RBFOX1: variants seen among roughly 807,000 people sequenced by gnomAD.
RBFOX1 encodes RNA binding fox-1 homolog 1, also known as RNA binding protein fox-1 homolog 1.
In RBFOX1, 8 loss-of-function variants were observed where a neutral mutation model predicts 57.7. That is an observed-to-expected ratio of 0.14 (90% confidence interval 0.08 to 0.25). The LOEUF (loss-of-function observed/expected upper bound fraction) is 0.25, where lower values mean the gene tolerates loss of function less well. Among genes scored for constraint, RBFOX1 ranks in the 10% least tolerant of loss-of-function variants. The probability of loss-of-function intolerance (pLI) is 1.00; values close to 1 mark genes in which losing one functional copy is unlikely to be tolerated. For synonymous variants in RBFOX1, 326 were observed against 222.4 expected (o/e 1.47, Z -4.15); for missense variants, 611 against 548.5 (o/e 1.11, Z -1.14).
At chr16:6,107,522 A>T (rs941807036) in intron 1 of RBFOX1, among the ~76,000 whole-genome samples, 1 of 152,182 alleles carries the variant, frequency 6.6e-6, no homozygotes, top group Non-Finnish European at 1.5e-5. Context: ...TGTATTAATT[A>T]AAATGAAGTT....
intron 3 of RBFOX1, among the ~76,000 whole-genome samples, chr16:6,702,823 A>G (rs1053336056): frequency 3.3e-5 from 5 of 152,238 alleles, no homozygotes; most frequent in Admixed American, 3.3e-4. Flanking sequence ...GTTCAGTGGC[A>G]TTAAATACAT....
intron 2 of RBFOX1, among the ~76,000 whole-genome samples, chr16:6,453,917 G>C (rs2094697339): frequency 6.6e-6 from 1 of 152,222 alleles, no homozygotes; most frequent in Non-Finnish European, 1.5e-5. Flanking sequence ...TTTGGCTTAA[G>C]CAATAGAAAC....
At position 6,198,995 on chromosome 16, in the gene RBFOX1, C is replaced by A. The variant is rs866815727; in HGVS notation, c.-126-118000C>A. Among the ~76,000 whole-genome samples, 24 of 151,796 alleles carry A rather than the reference C, an allele frequency of 1.6e-4. No individual in the cohort carries two copies. The Middle Eastern group carries it at 0.01, about 65-fold the overall frequency. ...GCTTTTGACTGAACATTTTTTAAATCTCTCTGATAGAATATATATATTTTT... is the reference window on the plus strand; with the variant it reads ...GCTTTTGACTGAACATTTTTTAAATATCTCTGATAGAATATATATATTTTT... On this transcript the variant is annotated intron_variant, in intron 1 of 15. Transcript: ENST00000550418.
chr16:7,613,703 A>C (rs2057956934), intron 10 of RBFOX1, among the ~76,000 whole-genome samples: 1 of 152,132 alleles, frequency 6.6e-6, no homozygotes, highest in African/African-American at 2.4e-5. Context: ...AGGTCTATGA[A>C]GGCTCCCTCA....
In RBFOX1 at chr16:6,654,643, A is replaced by G; in HGVS notation, c.-23A>G. On this transcript the variant is annotated 5_prime_UTR_variant, in exon 3 of 16. Coordinates refer to ENST00000550418, the MANE Select transcript of RBFOX1 (RefSeq NM_018723.4). ...TGCAATACCTGCGTGGAAATAGAAG[A>G]CAGAAAGGTGAGTCAATATTTTTCA... 1 of 1,509,854 alleles carries G rather than the reference A, an allele frequency of 6.6e-7. No individual in the cohort carries two copies. Among genetic ancestry groups the G allele is most frequent in the African/African-American group, 1.4e-5 (1 of 71,344 alleles). The allele number at this position is 1,509,854 out of a possible 1,614,324, so 93.5% of individuals were successfully genotyped here. A position where few individuals can be genotyped will look rare whatever the true frequency, so the allele number is the denominator to read the frequency against.
intron 3 of RBFOX1, among the ~76,000 whole-genome samples, chr16:6,949,461 T>A (rs2080242650): frequency 6.6e-6 from 1 of 152,194 alleles, no homozygotes; most frequent in South Asian, 2.1e-4. Context: ...ACAGATTTGT[T>A]TTCTTACCCT....
intron 1 of RBFOX1, among the ~76,000 whole-genome samples, chr16:5,303,792 A>C (rs1025845749): frequency 2.0e-5 from 3 of 152,048 alleles, no homozygotes; most frequent in African/African-American, 7.2e-5. Flanking sequence ...ATTCCAATAA[A>C]GCAAAAATGA....
intron 1 of RBFOX1, among the ~76,000 whole-genome samples, chr16:6,108,682 C>A (rs1335007062): frequency 6.6e-6 from 1 of 152,262 alleles, no homozygotes; most frequent in East Asian, 1.9e-4. Context: ...CATAGAGGTG[C>A]TACTGGGCCT....
At chr16:6,828,594 G>A (rs2092425291) in intron 3 of RBFOX1, among the ~76,000 whole-genome samples, 1 of 151,712 alleles carries the variant, frequency 6.6e-6, no homozygotes, top group Admixed American at 6.6e-5. Flanking sequence ...TGAAAAACCG[G>A]GCATGGACCA....
At chr16:6,866,633 C>T (rs78780129) in intron 3 of RBFOX1, among the ~76,000 whole-genome samples, 15 of 144,242 alleles carry the variant, frequency 1.0e-4, no homozygotes, top group South Asian at 2.3e-4. Flanking sequence ...GCTCCGCCTC[C>T]CCGGTTCACG....
At chr16:6,741,648 G>C (rs527771896) in intron 3 of RBFOX1, among the ~76,000 whole-genome samples, 1 of 148,912 alleles carries the variant, frequency 6.7e-6, no homozygotes, top group Non-Finnish European at 1.5e-5. Flanking sequence ...CAGCCTGGGC[G>C]ACAGAGCCAG....
At chr16:7,624,274 C>T (rs1262283864) in intron 10 of RBFOX1, among the ~76,000 whole-genome samples, 2 of 152,156 alleles carry the variant, frequency 1.3e-5, no homozygotes, top group African/African-American at 4.8e-5. Flanking sequence ...ACTAAACTTT[C>T]AGTTATGATA....
intron 2 of RBFOX1, among the ~76,000 whole-genome samples, chr16:6,621,820 C>G (rs1054736717): frequency 6.6e-6 from 1 of 152,112 alleles, no homozygotes; most frequent in East Asian, 1.9e-4. Context: ...CATTTAAAGA[C>G]CACACACATC....
intron 2 of RBFOX1, among the ~76,000 whole-genome samples, chr16:6,572,555 C>G (rs2097359393): frequency 6.6e-6 from 1 of 152,000 alleles, no homozygotes; most frequent in Non-Finnish European, 1.5e-5. Context: ...GCTGAGTCTT[C>G]CCCAGATGGA....
rs867552684 is a variant in RBFOX1, at chr16:6,629,977, A to T, written c.-63-24626A>T. Among the ~76,000 whole-genome samples, 982 of 148,652 alleles carry T rather than the reference A, an allele frequency of 6.6e-3. 19 individuals are homozygous for T. Among genetic ancestry groups the T allele is most frequent in the African/African-American group, 0.023 (914 of 39,892 alleles). The stretch of plus-strand genomic sequence containing the variant: ...TCGGTAGGTTTTTTTTTTTTTTAAA[A>T]AAAAAAAAGACCATTGCTTTCAGAA... On this transcript the variant is annotated intron_variant, in intron 2 of 15. Coordinates refer to ENST00000550418, the MANE Select transcript of RBFOX1 (RefSeq NM_018723.4).
chr16:7,692,654 TGTCACAGTTGGAAAC>T (rs1293300574), intron 14 of RBFOX1, among the ~76,000 whole-genome samples: 1 of 152,150 alleles, frequency 6.6e-6, no homozygotes, highest in African/African-American at 2.4e-5. Context: ...ATCGTGGAAG[TGTCACAGTTGGAAAC>T]GTCTTAAGAG....
At position 5,797,521 on chromosome 16, in the gene RBFOX1, G is replaced by T. The variant is rs573176717; in HGVS notation, c.319-69782G>T. Reference sequence around the variant, plus strand: ...GCTCCCCAGAGTGACTCAGCTCTGAGTAGCTGGGGACCAATTATGAAGTTG... The same window carrying T: ...GCTCCCCAGAGTGACTCAGCTCTGATTAGCTGGGGACCAATTATGAAGTTG... On this transcript the variant is annotated intron_variant, in intron 3 of 19. Transcript: ENST00000641259. Among the ~76,000 whole-genome samples, 16 of 152,326 alleles carry T rather than the reference G, an allele frequency of 1.1e-4. 1 individual carries two copies. The Middle Eastern group carries it at 0.01, about 97-fold the overall frequency.
chr16:7,088,079 G>A lies in RBFOX1; in HGVS notation c.27+35981G>A, dbSNP rs140427627. On this transcript the variant is annotated intron_variant, in intron 4 of 15. Coordinates refer to ENST00000550418, the MANE Select transcript of RBFOX1 (RefSeq NM_018723.4). ...AGTTCAGGCAAGACCTGGTTCATTAGCATTAAGCTGCAATTTTATTTTCAG... is the reference window on the plus strand; with the variant it reads ...AGTTCAGGCAAGACCTGGTTCATTAACATTAAGCTGCAATTTTATTTTCAG... Among the ~76,000 whole-genome samples the A allele has an allele frequency of 2.7e-3, 416 of 152,226 alleles. 2 individuals carry two copies. Among genetic ancestry groups the A allele is most frequent in the African/African-American group, 9.2e-3 (383 of 41,542 alleles).
chr16:7,648,711 G>T (rs918315856), intron 11 of RBFOX1, among the ~76,000 whole-genome samples: 1 of 152,172 alleles, frequency 6.6e-6, no homozygotes. Context: ...GAGATGTGAT[G>T]AAGACCCTTT....
Sources: allele counts gnomAD v4.1 joint callset (sites outside exome capture counted in the v4.1 genomes callset), GRCh38; gene constraint gnomAD v4.1.1; transcripts MANE v1.5; gene names NCBI Gene and HGNC (gene_info 2026-07-23, HGNC 2026-07-21).